The following GUCY1A2 variants were observed in gnomAD, a reference collection of about 807,000 sequenced individuals.
GUCY1A2 encodes the protein guanylate cyclase 1 soluble subunit alpha 2, also known as guanylate cyclase soluble subunit alpha-2.
Under a neutral mutation model 63.5 loss-of-function variants are expected in GUCY1A2, and 27 were observed. The observed-to-expected ratio is 0.43, with a 90% confidence interval of 0.31 to 0.59. The LOEUF (loss-of-function observed/expected upper bound fraction) is 0.59, where lower values mean the gene tolerates loss of function less well. GUCY1A2 is among the 20% of genes least tolerant of loss of function. GUCY1A2 has a pLI of 0.11. For missense variants in GUCY1A2, 768 were observed against 913.3 expected (o/e 0.84, Z 2.05); for synonymous variants, 364 against 343.5 (o/e 1.06, Z -0.66).
At chr11:106,828,149 TGTC>T (rs1395954490) in intron 4 of GUCY1A2, among the ~76,000 whole-genome samples, 1 of 151,450 alleles carries the variant, frequency 6.6e-6, no homozygotes, top group Non-Finnish European at 1.5e-5. Flanking sequence ...CCCGTTCTGT[TGTC>T]TGTTTGTTGA....
chr11:106,986,158 CAT>C (rs1230778377), intron 1 of GUCY1A2, 27 bp from the exon 2 acceptor site: 1 of 1,160,910 alleles, frequency 8.6e-7, no homozygotes, highest in African/African-American at 1.5e-5. Context: ...ATAATAAAAA[CAT>C]ATTATCAGCA....
At chr11:106,720,664 T>G (rs189662863) in intron 6 of GUCY1A2, among the ~76,000 whole-genome samples, 121 of 152,292 alleles carry the variant, frequency 7.9e-4, no homozygotes, top group African/African-American at 2.8e-3. Flanking sequence ...AGTTAAATTG[T>G]TTTAAGATTT....
intron 6 of GUCY1A2, among the ~76,000 whole-genome samples, chr11:106,728,374 T>C (rs1186720510): frequency 2.6e-5 from 4 of 152,220 alleles, no homozygotes. Flanking sequence ...TCCTGTATTT[T>C]AGTACATATA....
At chr11:106,895,391 G>C (rs1001112781) in intron 4 of GUCY1A2, among the ~76,000 whole-genome samples, 2 of 152,098 alleles carry the variant, frequency 1.3e-5, no homozygotes, top group African/African-American at 4.8e-5. Context: ...TGGTTTGGCT[G>C]TGTCCCCACC....
intron 4 of GUCY1A2, among the ~76,000 whole-genome samples, chr11:106,824,535 A>T (rs1858941971): frequency 6.6e-6 from 1 of 152,008 alleles, no homozygotes; most frequent in Non-Finnish European, 1.5e-5. Context: ...TTTAAACCAA[A>T]TACTATCAAG....
intron 6 of GUCY1A2, among the ~76,000 whole-genome samples, chr11:106,713,822 C>A (rs796136481): frequency 1.2e-4 from 18 of 151,986 alleles, no homozygotes; most frequent in African/African-American, 4.1e-4. Flanking sequence ...TAGTATATTT[C>A]TTTGGGTTTG....
chr11:106,815,647 T>C (rs1230030118), intron 4 of GUCY1A2, among the ~76,000 whole-genome samples: 4 of 152,006 alleles, frequency 2.6e-5, no homozygotes, highest in African/African-American at 4.8e-5. Context: ...ATAGATTATC[T>C]TCTCCTCATG....
Position 106,914,285 on chromosome 11 carries a change from A to C in GUCY1A2, c.1206+25175T>G, listed in dbSNP as rs1860338691. Reference sequence around the variant, plus strand: ...ACACTATCCTTCATTTACTCCCACCAAATATCCATTTATAGTGCCACTCCT... The same window carrying C: ...ACACTATCCTTCATTTACTCCCACCCAATATCCATTTATAGTGCCACTCCT... On this transcript the variant is annotated intron_variant, in intron 4 of 7. Coordinates refer to ENST00000526355, the MANE Select transcript of GUCY1A2 (RefSeq NM_000855.3). Among the ~76,000 whole-genome samples the C allele has an allele frequency of 2.0e-5, 3 of 152,094 alleles. No individual in the cohort carries two copies. The South Asian group carries it at 6.2e-4, about 31-fold the overall frequency.
chr11:106,827,863 C>CA (rs1591292999), intron 4 of GUCY1A2: 43 of 1,597,758 alleles, frequency 2.7e-5, no homozygotes, highest in Non-Finnish European at 3.6e-5. Flanking sequence ...AACTTCCCTG[C>CA]AGTCATGGGA....
intron 4 of GUCY1A2, among the ~76,000 whole-genome samples, chr11:106,899,531 GAAC>G (rs1860097468): frequency 1.3e-5 from 2 of 152,098 alleles, no homozygotes; most frequent in Non-Finnish European, 2.9e-5. Context: ...CATAATATCA[GAAC>G]AACAACTACA....
chr11:106,872,389 C>T (rs780191560), intron 4 of GUCY1A2, among the ~76,000 whole-genome samples: 25 of 152,248 alleles, frequency 1.6e-4, no homozygotes, highest in Non-Finnish European at 3.1e-4. Context: ...CACAACATTG[C>T]TACATACCAG....
At chr11:106,872,336 T>C (rs935526258) in intron 4 of GUCY1A2, among the ~76,000 whole-genome samples, 1 of 152,140 alleles carries the variant, frequency 6.6e-6, no homozygotes, top group Non-Finnish European at 1.5e-5. Context: ...AATATTATCA[T>C]AAGTGACACT....
chr11:106,717,136 C>G (rs939162525), intron 6 of GUCY1A2, among the ~76,000 whole-genome samples: 7 of 152,110 alleles, frequency 4.6e-5, no homozygotes, highest in African/African-American at 1.7e-4. Context: ...ATTGTTTATG[C>G]CAGCTTATTT....
At chr11:106,995,277 T>C (rs2513106) in intron 1 of GUCY1A2, among the ~76,000 whole-genome samples, 39,040 of 152,044 alleles carry the variant, frequency 0.26, 5,396 homozygotes, top group East Asian at 0.5. Context: ...CAAAATAATC[T>C]TACAAGAGAG....
At position 106,675,993 on chromosome 11, in the gene GUCY1A2, G is replaced by A. The variant is rs991425321; in HGVS notation, c.*11556C>T. 1 of 187,406 alleles carries A rather than the reference G, an allele frequency of 5.3e-6. No individual in the cohort carries two copies. The highest frequency in any genetic ancestry group is 2.3e-5 in the African/African-American group (1 of 42,784). The allele number at this position is 187,406 out of a possible 1,614,324, so 11.6% of individuals were successfully genotyped here. A position where few individuals can be genotyped will look rare whatever the true frequency, so the allele number is the denominator to read the frequency against. On this transcript the variant is annotated 3_prime_UTR_variant, in exon 8 of 8. Transcript: ENST00000526355. ...AAGAAATGAGAACCAAAATTCAAGG[G>A]TATTTAACTCATTGAAGCATATCTT...
At chr11:106,813,533 C>T (rs933145533) in intron 4 of GUCY1A2, among the ~76,000 whole-genome samples, 1 of 152,122 alleles carries the variant, frequency 6.6e-6, no homozygotes, top group Non-Finnish European at 1.5e-5. Flanking sequence ...TATAACTGCA[C>T]ATTACATGTT....
intron 4 of GUCY1A2, among the ~76,000 whole-genome samples, chr11:106,908,872 T>C (rs1245910712): frequency 6.6e-6 from 1 of 151,916 alleles, no homozygotes; most frequent in Non-Finnish European, 1.5e-5. Flanking sequence ...CCCTACAAAA[T>C]AGGTCAATGA....
intron 4 of GUCY1A2, among the ~76,000 whole-genome samples, chr11:106,834,461 A>G (rs1859091406): frequency 6.6e-6 from 1 of 151,978 alleles, no homozygotes; most frequent in Non-Finnish European, 1.5e-5. Flanking sequence ...TCAGATGCCA[A>G]GTTCATTTTT....
At position 107,018,099 on chromosome 11, in the gene GUCY1A2, C is replaced by T; in HGVS notation, c.-44G>A. On this transcript the variant is annotated 5_prime_UTR_variant, in exon 1 of 8. Coordinates refer to ENST00000526355, the MANE Select transcript of GUCY1A2 (RefSeq NM_000855.3). ...GCGGCCGAGGCGGTGGCGGCGAGGA[C>T]GCGAGCGGCGGCGGAGGCGGCGGTG... The T allele has an allele frequency of 1.5e-6, 2 of 1,317,380 alleles. No homozygotes were observed. The highest frequency in any genetic ancestry group is 1.7e-5 in the South Asian group (1 of 58,980). 81.6% of individuals were successfully genotyped at this position (1,317,380 alleles called of 1,614,324 possible).
Sources: allele counts gnomAD v4.1 joint callset (sites outside exome capture counted in the v4.1 genomes callset), GRCh38; gene constraint gnomAD v4.1.1; transcripts MANE v1.5; gene names NCBI Gene and HGNC (gene_info 2026-07-23, HGNC 2026-07-21).